PITRM1: variants seen among roughly 807,000 people sequenced by gnomAD.
The protein encoded by PITRM1 is presequence protease, mitochondrial.
In PITRM1, 100 loss-of-function variants were observed where a neutral mutation model predicts 129.9. The ratio of observed to expected loss-of-function variants is 0.77; its 90% CI spans 0.65 to 0.91. The LOEUF (loss-of-function observed/expected upper bound fraction) is 0.91, where lower values mean the gene tolerates loss of function less well. Ranked by LOEUF, PITRM1 falls within the 40% of genes least tolerant of loss-of-function variation. PITRM1 has a pLI of 0.00. For synonymous variants in PITRM1, 591 were observed against 508.8 expected (o/e 1.16, Z -2.17); for missense variants, 1,471 against 1,318.3 (o/e 1.12, Z -1.79).
intron 6 of PITRM1, among the ~76,000 whole-genome samples, chr10:3,164,863 C>T (rs1842732180): frequency 6.6e-6 from 1 of 152,194 alleles, no homozygotes; most frequent in Non-Finnish European, 1.5e-5. Flanking sequence ...AAGCTGGACT[C>T]CCCCATTTGC....
intron 2 of PITRM1, among the ~76,000 whole-genome samples, chr10:3,167,572 C>G (rs1012930907): frequency 6.6e-6 from 1 of 152,190 alleles, no homozygotes; most frequent in Non-Finnish European, 1.5e-5. Flanking sequence ...TTTCCAATGT[C>G]TGCTGAGTGT....
chr10:3,138,782 C>G, intron 25 of PITRM1, 122 bp downstream of exon 25: 1 of 925,254 alleles, frequency 1.1e-6, no homozygotes, highest in Non-Finnish European at 1.8e-6. Context: ...GAAATCGTAT[C>G]ACAAGCAAGG....
rs1588736135 is a variant in PITRM1 at position 3,171,146 on chromosome 10, T to TAAAA, written c.57-941_57-940insTTTT. On this transcript the variant is annotated intron_variant, in intron 1 of 26. Transcript: ENST00000224949. ...GATAAAGTGCGGACTAATCGTTCAA[T>TAAAA]TAAAAAAAAAAAAAAAAAAAAAAAA... Among the ~76,000 whole-genome samples the TAAAA allele has an allele frequency of 1.3e-3, 47 of 36,264 alleles. 15 individuals carry two copies. The highest frequency in any genetic ancestry group is 5.4e-3 in the South Asian group (4 of 736). 23.8% of individuals were successfully genotyped at this position (36,264 alleles called of 152,430 possible). A position where few individuals can be genotyped will look rare whatever the true frequency, so the allele number is the denominator to read the frequency against.
At chr10:3,161,191 C>T (rs1308620628) in intron 7 of PITRM1, among the ~76,000 whole-genome samples, 2 of 152,252 alleles carry the variant, frequency 1.3e-5, no homozygotes, top group African/African-American at 4.8e-5. Flanking sequence ...CCACACCTAG[C>T]CAAAAATCGA....
At position 3,148,192 on chromosome 10, in the gene PITRM1, T is replaced by C. The variant is rs779094075; in HGVS notation, c.1971A>G (p.Ser657=). 3.1e-6 allele frequency: 5 copies of C among 1,613,766 alleles called. No homozygotes were observed. In the East Asian group the frequency reaches 1.1e-4, roughly 36 times the overall value. The stretch of plus-strand genomic sequence containing the variant: ...CTACCTGCTCGTAGGTGTCCATGTG[T>C]GAGTCGTCGGGGAGCACGTGGGGAG... The part of the protein sequence containing the change: ...SASPHVLPDD[S]HMDTYEQGVL... Residue 657 remains serine, a synonymous_variant, in exon 17 of 27, where the codon TCA becomes TCG. Coordinates refer to ENST00000224949, the MANE Select transcript of PITRM1 (RefSeq NM_014889.4).
intron 2 of PITRM1, among the ~76,000 whole-genome samples, chr10:3,168,148 T>A (rs1331204779): frequency 2.6e-5 from 4 of 152,014 alleles, no homozygotes; most frequent in Non-Finnish European, 5.9e-5. Flanking sequence ...ACACAGTAAG[T>A]CGCTGGCCAA....
At chr10:3,140,635 G>T in intron 24 of PITRM1, 52 bp downstream of exon 24, 2 of 1,517,070 alleles carry the variant, frequency 1.3e-6, no homozygotes, top group Non-Finnish European at 1.8e-6. Context: ...ATCATGAGTA[G>T]AAGACTAAAA....
intron 16 of PITRM1, chr10:3,149,103 G>A (rs1841235897): frequency 6.6e-6 from 1 of 152,664 alleles, no homozygotes; most frequent in African/African-American, 2.4e-5. Flanking sequence ...GATGGGAACA[G>A]GAGCCCACAG....
chr10:3,145,618 G>T lies in PITRM1; in HGVS notation c.2435C>A (p.Pro812His). The change falls in exon 21 of 27, where the codon CCT becomes CAT. Residue 812 changes from proline (P) to histidine (H), a missense_variant. Pro to His is a moderately conservative substitution (Grantham distance 77, BLOSUM62 -2). Coordinates refer to ENST00000224949, the MANE Select transcript of PITRM1 (RefSeq NM_014889.4). Reference sequence around the variant, plus strand: ...TACCTCGACCGTGTGTGGGCGCACAGGCCTCCGTTCCTTTTTACTCCGACC... The same window carrying T: ...TACCTCGACCGTGTGTGGGCGCACATGCCTCCGTTCCTTTTTACTCCGACC... ...SIGRSKKERR[P>H]VRPHTVEKPV... 1 of 1,549,974 alleles carries T rather than the reference G, an allele frequency of 6.5e-7. No homozygotes were observed. Among genetic ancestry groups the T allele is most frequent in the Non-Finnish European group, 8.7e-7 (1 of 1,146,966 alleles).
rs536113067 is a variant in PITRM1 at position 3,141,554 on chromosome 10, C to T, written c.2646-742G>A. On this transcript the variant is annotated intron_variant, in intron 23 of 26. Coordinates refer to ENST00000224949, the MANE Select transcript of PITRM1 (RefSeq NM_014889.4). ...TAAAGCACATTTCTAGGAACAGGGC[C>T]AATTTCCTCTGCCTTCCACTGTGAA... 34 of 339,570 alleles carry T rather than the reference C, an allele frequency of 1.0e-4. 1 individual carries two copies. The highest frequency in any genetic ancestry group is 3.8e-4 in the South Asian group (16 of 42,638). The allele number at this position is 339,570 out of a possible 1,614,324, so 21.0% of individuals were successfully genotyped here. A position where few individuals can be genotyped will look rare whatever the true frequency, so the allele number is the denominator to read the frequency against.
chr10:3,147,552 G>C lies in PITRM1; in HGVS notation c.2235+20C>G, dbSNP rs1288821219. The stretch of plus-strand genomic sequence containing the variant: ...ATGTGGCTAAACCGGAGTAATAGAG[G>C]TTCCTTCCAAGCTTCCCACCTGATC... On this transcript the variant is annotated intron_variant, in intron 19 of 26. Coordinates refer to ENST00000224949, the MANE Select transcript of PITRM1 (RefSeq NM_014889.4). 2.5e-6 allele frequency: 4 copies of C among 1,612,258 alleles called. No homozygotes were observed. Among genetic ancestry groups the C allele is most frequent in the Non-Finnish European group, 3.4e-6 (4 of 1,178,582 alleles).
intron 22 of PITRM1, 140 bp downstream of exon 22, chr10:3,144,152 G>C (rs541439965): frequency 1.6e-6 from 1 of 620,662 alleles, no homozygotes. Flanking sequence ...CAGTGACAAA[G>C]GATGCACTGA....
intron 1 of PITRM1, 36 bp downstream of exon 1, chr10:3,172,681 C>A: frequency 6.6e-7 from 1 of 1,525,186 alleles, no homozygotes; most frequent in Non-Finnish European, 8.8e-7. Context: ...CTCCCGGGTA[C>A]CAGCGCGCCG....
rs553129209 is a variant in PITRM1, at chr10:3,155,875, G to C, written c.1483-146C>G. ...ATAGTAATAATAGAACGCACCTCAA[G>C]AGTTGTTTTGCTGATGCAAGTACAC... On this transcript the variant is annotated intron_variant, in intron 13 of 26. Coordinates refer to ENST00000224949, the MANE Select transcript of PITRM1 (RefSeq NM_014889.4). The C allele has an allele frequency of 5.3e-4, 478 of 897,394 alleles. No individual in the cohort carries two copies. The African/African-American group carries it at 7.4e-3, about 14-fold the overall frequency. The allele number at this position is 897,394 out of a possible 1,614,324, so 55.6% of individuals were successfully genotyped here.
chr10:3,157,235 T>G (rs1283703455), intron 12 of PITRM1, 171 bp from the exon 13 acceptor site: 5 of 714,616 alleles, frequency 7.0e-6, no homozygotes, highest in Non-Finnish European at 1.1e-5. Flanking sequence ...AAAACTTACT[T>G]TAGCCCTGTT....
At chr10:3,148,316 CCGATTA>C (rs1841132573) in intron 16 of PITRM1, 25 bp from the exon 17 acceptor site, 13 of 1,574,784 alleles carry the variant, frequency 8.3e-6, no homozygotes, top group Non-Finnish European at 1.0e-5. Flanking sequence ...AAGCATCGCC[CCGATTA>C]CAAGTCAGTC....
At chr10:3,155,751 C>T in intron 13 of PITRM1, 22 bp from the exon 14 acceptor site, 1 of 1,612,734 alleles carries the variant, frequency 6.2e-7, no homozygotes, top group Non-Finnish European at 8.5e-7. Context: ...ACAGCAACAA[C>T]AAAAGCCAAG....
intron 7 of PITRM1, 24 bp from the exon 8 acceptor site, chr10:3,160,354 T>C: frequency 1.3e-6 from 2 of 1,564,696 alleles, no homozygotes; most frequent in Non-Finnish European, 8.8e-7. Context: ...GGAATATAAT[T>C]AGTCTGTTTT....
intron 16 of PITRM1, 29 bp downstream of exon 16, chr10:3,149,592 G>A: frequency 2.0e-6 from 3 of 1,516,566 alleles, no homozygotes; most frequent in Non-Finnish European, 2.6e-6. Flanking sequence ...ACATTAATAA[G>A]ACACACAAGG....
Sources: gnomAD v4.1 joint callset for allele counts (sites outside exome capture counted in the v4.1 genomes callset) on GRCh38, gnomAD v4.1.1 for gene constraint, MANE v1.5 for transcripts, NCBI Gene and HGNC (gene_info 2026-07-23, HGNC 2026-07-21) for gene names.